The following TBK1 variants were observed in gnomAD, a reference collection of about 807,000 sequenced individuals.
The protein encoded by TBK1 is TANK binding kinase 1.
A neutral mutation model predicts 99.9 loss-of-function variants in TBK1; 37 were observed. The observed-to-expected ratio is 0.37, with a 90% CI of 0.28 to 0.49. The LOEUF (loss-of-function observed/expected upper bound fraction) is 0.49, where lower values mean the gene tolerates loss of function less well. Among genes scored for constraint, TBK1 ranks in the 20% least tolerant of loss-of-function variants. The probability of loss-of-function intolerance (pLI) is 0.98; values close to 1 mark genes in which losing one functional copy is unlikely to be tolerated. For synonymous variants in TBK1, 258 were observed against 279.8 expected, an observed-to-expected ratio of 0.92 and a Z score of 0.78; for missense variants, 644 against 872.5, an observed-to-expected ratio of 0.74 and a Z score of 3.30.
chr12:64,476,142 G>C (rs1306446780), intron 6 of TBK1, among the ~76,000 whole-genome samples: 1 of 144,156 alleles, frequency 6.9e-6, no homozygotes, highest in Non-Finnish European at 1.5e-5. Flanking sequence ...GGCAGCTTGC[G>C]TAGTCTTCTT....
intron 11 of TBK1, among the ~76,000 whole-genome samples, chr12:64,486,995 TA>T (rs2040826826): frequency 1.3e-5 from 2 of 152,208 alleles, no homozygotes; most frequent in African/African-American, 4.8e-5. Flanking sequence ...ACAAGCAATT[TA>T]AAAGCTAATT....
rs764966150 is a variant in TBK1, at chr12:64,497,303, A to G, written c.1959+44A>G. The G allele has an allele frequency of 2.3e-5, 30 of 1,324,884 alleles. No homozygotes were observed. In the Middle Eastern group the frequency reaches 1.1e-3, roughly 50 times the overall value. 82.1% of individuals were successfully genotyped at this position (1,324,884 alleles called of 1,614,324 possible). A position where few individuals can be genotyped will look rare whatever the true frequency, so the allele number is the denominator to read the frequency against. On this transcript the variant is annotated intron_variant, in intron 18 of 20. Coordinates refer to ENST00000331710, the MANE Select transcript of TBK1 (RefSeq NM_013254.4). ...GAAAAATTAAAATTCTTCTCAGTTT[A>G]TAACTGATAGTGATTGACAAGGGAG...
chr12:64,485,339 C>A, intron 9 of TBK1, 116 bp from the exon 10 acceptor site: 1 of 480,626 alleles, frequency 2.1e-6, no homozygotes, highest in Non-Finnish European at 3.7e-6. Flanking sequence ...ATCACGAAAA[C>A]TACATTACAG....
At chr12:64,484,259 C>A in intron 8 of TBK1, 44 bp from the exon 9 acceptor site, 2 of 1,366,916 alleles carry the variant, frequency 1.5e-6, no homozygotes, top group South Asian at 1.3e-5. Context: ...TTGCCTCTCA[C>A]TTTATCCCCA....
chr12:64,471,163 TTTTG>T (rs753060010), intron 5 of TBK1, among the ~76,000 whole-genome samples: 32 of 152,196 alleles, frequency 2.1e-4, no homozygotes, highest in Middle Eastern at 3.4e-3. Flanking sequence ...TTCTACTGTT[TTTTG>T]TTTTTGTTGT....
intron 9 of TBK1, 150 bp from the exon 10 acceptor site, chr12:64,485,305 A>AT: frequency 8.7e-6 from 4 of 460,986 alleles, no homozygotes. Context: ...AATGAGCATT[A>AT]TTGTTTGAAG....
chr12:64,454,542 C>T (rs1353385087), intron 1 of TBK1, among the ~76,000 whole-genome samples: 4 of 151,884 alleles, frequency 2.6e-5, no homozygotes, highest in African/African-American at 4.8e-5. Context: ...CCACTGCACC[C>T]GGCTGAGAAA....
rs139725981 is a variant in TBK1 at position 64,463,459 on chromosome 12, G to A, written c.229-875G>A. Among the ~76,000 whole-genome samples the A allele has an allele frequency of 6.1e-3, 930 of 152,080 alleles. 5 individuals carry two copies. The highest frequency in any genetic ancestry group is 9.1e-3 in the Non-Finnish European group (616 of 67,950). On this transcript the variant is annotated intron_variant, in intron 3 of 20. Transcript: ENST00000331710. The stretch of plus-strand genomic sequence containing the variant: ...CATGCTTGCAATCCCAGCACTTTGG[G>A]AGGTTGAGGCAGGCAGATTGCTTGA...
intron 5 of TBK1, among the ~76,000 whole-genome samples, chr12:64,468,602 G>A (rs1308930235): frequency 1.3e-5 from 2 of 152,066 alleles, no homozygotes; most frequent in African/African-American, 4.8e-5. Context: ...GACTTCTATG[G>A]TGAACTACAT....
At chr12:64,464,490 A>G in intron 4 of TBK1, 27 bp downstream of exon 4, 2 of 1,482,468 alleles carry the variant, frequency 1.3e-6, no homozygotes. Context: ...ATATGATATC[A>G]TTTGTATATA....
chr12:64,466,855 A>G, intron 4 of TBK1, 46 bp from the exon 5 acceptor site: 1 of 1,438,608 alleles, frequency 7.0e-7, no homozygotes, highest in Non-Finnish European at 9.3e-7. Flanking sequence ...GCACACATAC[A>G]CGTAAATATC....
chr12:64,495,084 A>G (rs2040911658), intron 13 of TBK1, among the ~76,000 whole-genome samples: 1 of 152,230 alleles, frequency 6.6e-6, no homozygotes, highest in Non-Finnish European at 1.5e-5. Flanking sequence ...CTAAACAAGA[A>G]GAGCACAAAT....
chr12:64,468,369 T>C (rs763370146), intron 5 of TBK1, among the ~76,000 whole-genome samples: 5 of 151,960 alleles, frequency 3.3e-5, no homozygotes, highest in Non-Finnish European at 5.9e-5. Flanking sequence ...GGCGTGTGCC[T>C]GTAATCTCAG....
rs552999363 is a variant in TBK1 at position 64,495,135 on chromosome 12, G to T, written c.1522-348G>T. ...GTTGATATTTGGAACTATTCTAGTG[G>T]TTCTATTTAATTTTCAAAACCGGGT... On this transcript the variant is annotated intron_variant, in intron 13 of 20. Coordinates refer to ENST00000331710, the MANE Select transcript of TBK1 (RefSeq NM_013254.4). Among the ~76,000 whole-genome samples, 3 of 152,244 alleles carry T rather than the reference G, an allele frequency of 2.0e-5. No homozygotes were observed. The East Asian group carries it at 5.8e-4, about 29-fold the overall frequency.
At chr12:64,452,835 G>C (rs531326856) in intron 1 of TBK1, 1 of 152,174 alleles carries the variant, frequency 6.6e-6, no homozygotes, top group African/African-American at 2.4e-5. Context: ...TCTATCCCAA[G>C]TATTCTTAGT....
intron 3 of TBK1, among the ~76,000 whole-genome samples, 167 bp downstream of exon 3, chr12:64,460,496 A>C (rs549446290): frequency 6.6e-6 from 1 of 152,156 alleles, no homozygotes; most frequent in African/African-American, 2.4e-5. Context: ...GAAATAAAAT[A>C]TCATAAAAAT....
intron 2 of TBK1, among the ~76,000 whole-genome samples, 199 bp downstream of exon 2, chr12:64,456,156 G>T (rs1323875683): frequency 1.3e-5 from 2 of 152,200 alleles, no homozygotes; most frequent in Non-Finnish European, 2.9e-5. Flanking sequence ...CAGGTTAAGT[G>T]TTAGTGAGTG....
intron 20 of TBK1, among the ~76,000 whole-genome samples, chr12:64,501,080 A>G (rs2040983690): frequency 6.6e-6 from 1 of 152,040 alleles, no homozygotes. Flanking sequence ...TAGCTTATAA[A>G]TCCCACCCCA....
chr12:64,487,852 A>T (rs2040834132), intron 11 of TBK1, among the ~76,000 whole-genome samples: 1 of 152,202 alleles, frequency 6.6e-6, no homozygotes, highest in Non-Finnish European at 1.5e-5. Flanking sequence ...CCTGATGTAG[A>T]TCAAAAGCCC....
Sources: allele counts gnomAD v4.1 joint callset (sites outside exome capture counted in the v4.1 genomes callset), GRCh38; gene constraint gnomAD v4.1.1; transcripts MANE v1.5; gene names NCBI Gene and HGNC (gene_info 2026-07-23, HGNC 2026-07-21).